The following THSD4 variants were observed in gnomAD, a reference collection of about 807,000 sequenced individuals.
The protein encoded by THSD4 is thrombospondin type 1 domain containing 4.
Under a neutral mutation model 119.0 loss-of-function variants are expected in THSD4, and 69 were observed. That is an observed-to-expected ratio of 0.58 (90% confidence interval 0.48 to 0.71). The LOEUF is 0.71. THSD4 is among the 30% of genes least tolerant of loss of function. The pLI is 0.00. For missense variants in THSD4, 1,393 were observed against 1,391.1 expected, an observed-to-expected ratio of 1.00 and a Z score of -0.02; for synonymous variants, 524 against 540.4, an observed-to-expected ratio of 0.97 and a Z score of 0.42.
intron 8 of THSD4, among the ~76,000 whole-genome samples, chr15:71,696,389 T>A (rs2052166583): frequency 6.6e-6 from 1 of 152,064 alleles, no homozygotes. Context: ...TACAATCTCA[T>A]CAGAACAAGA....
At chr15:71,173,797 T>C (rs1414604099) in intron 3 of THSD4, among the ~76,000 whole-genome samples, 1 of 151,964 alleles carries the variant, frequency 6.6e-6, no homozygotes, top group Admixed American at 6.6e-5. Context: ...ACCAAAACAG[T>C]GTGACACTGA....
At chr15:71,198,420 G>A (rs908342) in intron 3 of THSD4, among the ~76,000 whole-genome samples, 25,032 of 152,202 alleles carry the variant, frequency 0.16, 3,198 homozygotes, top group African/African-American at 0.36. Flanking sequence ...AGGCAGCTCT[G>A]TCCCCTTTCT....
chr15:71,324,674 G>GTA (rs1401785230), intron 6 of THSD4, among the ~76,000 whole-genome samples: 3 of 152,180 alleles, frequency 2.0e-5, no homozygotes, highest in African/African-American at 7.2e-5. Context: ...ATTCCGTGGT[G>GTA]TATATATACC....
chr15:71,602,553 CAAAAAAAAAAAAA>C (rs59370074), intron 7 of THSD4, among the ~76,000 whole-genome samples: 83 of 53,904 alleles, frequency 1.5e-3, no homozygotes, highest in African/African-American at 5.0e-3. Context: ...AACTCTGTCT[CAAAAAAAAAAAAA>C]AAAAAAAAAA....
intron 7 of THSD4, among the ~76,000 whole-genome samples, chr15:71,524,813 C>T (rs916215982): frequency 5.4e-5 from 8 of 146,808 alleles, no homozygotes; most frequent in Admixed American, 2.8e-4. Flanking sequence ...GGGGTTTCAC[C>T]GTATTAGCCA....
chr15:71,547,326 A>G, intron 7 of THSD4: 4 of 1,537,812 alleles, frequency 2.6e-6, no homozygotes, highest in Non-Finnish European at 3.5e-6. Context: ...CAGGGCTGGA[A>G]TCCCGAGACA....
At chr15:71,523,448 T>C (rs189889907) in intron 7 of THSD4, among the ~76,000 whole-genome samples, 113 of 152,292 alleles carry the variant, frequency 7.4e-4, no homozygotes, top group Admixed American at 7.3e-3. Context: ...GATGACCTCA[T>C]TATGAGATCC....
chr15:71,544,525 TAGAGAA>T (rs2140844858), intron 7 of THSD4, among the ~76,000 whole-genome samples: 1 of 152,128 alleles, frequency 6.6e-6, no homozygotes, highest in South Asian at 2.1e-4. Flanking sequence ...GTCAAGGAGG[TAGAGAA>T]ATTGAACCTT....
intron 7 of THSD4, among the ~76,000 whole-genome samples, chr15:71,446,345 C>A (rs1053977298): frequency 1.3e-5 from 2 of 152,162 alleles, no homozygotes; most frequent in Non-Finnish European, 2.9e-5. Context: ...TTGCCAGTGT[C>A]GTCTTGTAAA....
At chr15:71,609,556 A>AG (rs2050179337) in intron 7 of THSD4, among the ~76,000 whole-genome samples, 1 of 152,166 alleles carries the variant, frequency 6.6e-6, no homozygotes, top group Non-Finnish European at 1.5e-5. Flanking sequence ...AGAGAGTATA[A>AG]GAAAAAAAAC....
chr15:71,199,473 G>GGT (rs1299837740), intron 3 of THSD4, among the ~76,000 whole-genome samples: 5 of 141,242 alleles, frequency 3.5e-5, no homozygotes, highest in East Asian at 2.1e-4. Context: ...GTGTGTGTGT[G>GGT]GTGTGTGTGT....
chr15:71,555,653 A>G (rs72737258), intron 7 of THSD4, among the ~76,000 whole-genome samples: 23,648 of 152,088 alleles, frequency 0.16, 2,101 homozygotes, highest in South Asian at 0.24. Flanking sequence ...GAATGTATCC[A>G]TTTTATTTCT....
intron 8 of THSD4, among the ~76,000 whole-genome samples, chr15:71,704,512 A>G (rs1218927483): frequency 6.6e-6 from 1 of 152,192 alleles, no homozygotes; most frequent in East Asian, 1.9e-4. Context: ...ACCTTCCACC[A>G]TGATGGTGAC....
chr15:71,502,363 G>A (rs918297058), intron 7 of THSD4, among the ~76,000 whole-genome samples: 1 of 152,184 alleles, frequency 6.6e-6, no homozygotes, highest in African/African-American at 2.4e-5. Context: ...TTAGGGTGGG[G>A]AAGTGAATGA....
intron 16 of THSD4, among the ~76,000 whole-genome samples, chr15:71,768,093 G>T (rs1478651734): frequency 6.6e-6 from 1 of 152,064 alleles, no homozygotes; most frequent in Non-Finnish European, 1.5e-5. Context: ...AAGTGTTTAT[G>T]CTTTCTTTCT....
At chr15:71,363,144 ACTT>A (rs368295495) in intron 6 of THSD4, among the ~76,000 whole-genome samples, 13 of 152,124 alleles carry the variant, frequency 8.5e-5, no homozygotes, top group East Asian at 5.8e-4. Flanking sequence ...AAGTCAGCAA[ACTT>A]CTTCTGTAAA....
At chr15:71,321,588 T>C (rs1190050340) in intron 6 of THSD4, among the ~76,000 whole-genome samples, 4 of 152,122 alleles carry the variant, frequency 2.6e-5, no homozygotes, top group African/African-American at 9.7e-5. Context: ...AACATAAGGT[T>C]AACAGAATCT....
At chr15:71,264,960 A>G (rs1385712945) in intron 6 of THSD4, among the ~76,000 whole-genome samples, 4 of 152,234 alleles carry the variant, frequency 2.6e-5, no homozygotes, top group East Asian at 3.9e-4. Context: ...GTATTTGAAG[A>G]TGGGGACTCT....
intron 7 of THSD4, among the ~76,000 whole-genome samples, chr15:71,601,108 C>A (rs1012959212): frequency 6.6e-6 from 1 of 152,158 alleles, no homozygotes; most frequent in Non-Finnish European, 1.5e-5. Flanking sequence ...ACTTGCCCAA[C>A]AACCAGTGAG....
Sources: gnomAD v4.1 joint callset for allele counts (sites outside exome capture counted in the v4.1 genomes callset) on GRCh38, gnomAD v4.1.1 for gene constraint, MANE v1.5 for transcripts, NCBI Gene and HGNC (gene_info 2026-07-23, HGNC 2026-07-21) for gene names.